The following PLK5 variants were observed in gnomAD, a reference collection of about 807,000 sequenced individuals.
PLK5 encodes the protein polo like kinase 5 (inactive).
A neutral mutation model predicts 33.7 loss-of-function variants in PLK5; 28 were observed. That is an observed-to-expected ratio of 0.83 (90% confidence interval 0.62 to 1.14). The LOEUF is 1.14. Among genes scored for constraint, PLK5 ranks in the 50% most tolerant of loss-of-function variants. The pLI, the probability that PLK5 is intolerant of heterozygous loss-of-function variation, is 0.00. For synonymous variants in PLK5, 225 were observed against 202.2 expected (o/e 1.11, Z -0.96); for missense variants, 492 against 461.5 (o/e 1.07, Z -0.61).
At position 1,535,288 on chromosome 19, in the gene PLK5, G is replaced by A. The variant is rs531715099; in HGVS notation, c.*38G>A. 3.3e-6 allele frequency: 5 copies of A among 1,509,692 alleles called. No individual in the cohort carries two copies. In the East Asian group the frequency reaches 1.0e-4, roughly 30 times the overall value. The allele number at this position is 1,509,692 out of a possible 1,614,324, so 93.5% of individuals were successfully genotyped here. On this transcript the variant is annotated 3_prime_UTR_variant, in exon 14 of 14. Transcript: ENST00000454744. ...TCAGAGTGGACCCCTGCATGGTAGT[G>A]CCAGGGACCCAGGCTCCATTTCCAT...
At chr19:1,533,280 G>A (rs1000366546) in intron 12 of PLK5, among the ~76,000 whole-genome samples, 9 of 151,980 alleles carry the variant, frequency 5.9e-5, no homozygotes, top group African/African-American at 1.7e-4. Context: ...TAGTAGAGAC[G>A]GGGTTTCTCC....
rs554686870 is a variant in PLK5, at chr19:1,524,679, TTG to T, written c.-544+439_-544+440del. Among the ~76,000 whole-genome samples, 167 of 151,710 alleles carry T rather than the reference TTG, an allele frequency of 1.1e-3. No individual in the cohort carries two copies. Among genetic ancestry groups the T allele is most frequent in the African/African-American group, 3.9e-3 (160 of 41,374 alleles). ...CACCTGTTGTTTGTGCGTCATGCCT[TTG>T]TGTGTCCAGTCATTGTGTTGTGTGT... On this transcript the variant is annotated intron_variant, in intron 1 of 13. Transcript: ENST00000454744. This position sits in a 1 kb window ranked among gnomAD's most constrained non-coding sequence, Gnocchi z 4.5.
chr19:1,527,657 C>T (rs982272496), intron 6 of PLK5, among the ~76,000 whole-genome samples: 2 of 151,364 alleles, frequency 1.3e-5, no homozygotes, highest in Non-Finnish European at 2.9e-5. Context: ...TCAGGGTGAG[C>T]CAGGTGCAGG....
In PLK5 at chr19:1,526,597, C is replaced by T. The variant is rs1913748258; in HGVS notation, c.-201C>T. ...CTACCTGCACCAGCGGTGCATCCTG[C>T]ACCGCGACCTGAAGCTCAGTGAGTG... On this transcript the variant is annotated 5_prime_UTR_variant, in exon 4 of 14. Transcript: ENST00000454744. 5.9e-6 allele frequency: 2 copies of T among 337,692 alleles called. No individual in the cohort carries two copies. The highest frequency in any genetic ancestry group is 2.2e-5 in the African/African-American group (1 of 45,540). The allele number at this position is 337,692 out of a possible 1,614,324, so 20.9% of individuals were successfully genotyped here.
rs1359924627 is a variant in PLK5 at position 1,524,152 on chromosome 19, C to CGCG, written c.-628_-626dup. 3 of 150,656 alleles carry CGCG rather than the reference C, an allele frequency of 2.0e-5. No homozygotes were observed. Among genetic ancestry groups the CGCG allele is most frequent in the Admixed American group, 1.3e-4 (2 of 15,136 alleles). The allele number at this position is 150,656 out of a possible 1,614,324, so 9.3% of individuals were successfully genotyped here. A position where few individuals can be genotyped will look rare whatever the true frequency, so the allele number is the denominator to read the frequency against. On this transcript the variant is annotated 5_prime_UTR_variant, in exon 1 of 14. Coordinates refer to ENST00000454744, the MANE Select transcript of PLK5 (RefSeq NM_001243079.2). This position sits in a 1 kb window ranked among gnomAD's most constrained non-coding sequence, Gnocchi z 4.5. Reference sequence around the variant, plus strand: ...AGAGTCCGCGCGATGGAGCCCCGGCCGCGGCGGCGGCGCAGGAGTCGCCCC... The same window carrying CGCG: ...AGAGTCCGCGCGATGGAGCCCCGGCCGCGGCGGCGGCGGCGCAGGAGTCGCCCC...
rs1263819415 is a variant in PLK5, at chr19:1,535,237, T to G, written c.998T>G (p.Leu333Arg). Residue 333 changes from leucine (L) to arginine (R), a missense_variant, in exon 14 of 14, where the codon CTG (leucine) becomes CGG (arginine). By Grantham distance (102) the Leu-to-Arg change is moderately radical. Coordinates refer to ENST00000454744, the MANE Select transcript of PLK5 (RefSeq NM_001243079.2). Reference protein sequence around the residue: ...GQHLHHALRMLQSI With the variant: ...GQHLHHALRMRQSI ...CACCTTCACCACGCCCTCCGCATGCTGCAGAGTATCTAGTGCCCCTGAGGG... is the reference window on the plus strand; with the variant it reads ...CACCTTCACCACGCCCTCCGCATGCGGCAGAGTATCTAGTGCCCCTGAGGG... 1 of 1,535,708 alleles carries G rather than the reference T, an allele frequency of 6.5e-7. No individual in the cohort carries two copies. The highest frequency in any genetic ancestry group is 2.4e-5 in the East Asian group (1 of 40,870).
chr19:1,527,052 CGG>C (rs11288093), intron 6 of PLK5, 54 bp downstream of exon 6: 78 of 842,450 alleles, frequency 9.3e-5, no homozygotes, highest in South Asian at 1.2e-4. Flanking sequence ...GCAGGTGTGG[CGG>C]GGGGGGAGCC....
rs76098683 is a variant in PLK5, at chr19:1,528,922, C to T, written c.353C>T (p.Ser118Leu). 62 of 1,513,992 alleles carry T rather than the reference C, an allele frequency of 4.1e-5. No individual in the cohort carries two copies. Among genetic ancestry groups the T allele is most frequent in the African/African-American group, 3.9e-4 (28 of 71,846 alleles). The allele number at this position is 1,513,992 out of a possible 1,614,324, so 93.8% of individuals were successfully genotyped here. Residue 118 changes from serine to leucine, a missense_variant, in exon 9 of 14, where the codon TCG (serine) becomes TTG (leucine). Ser to Leu is a moderately radical substitution (Grantham distance 145, BLOSUM62 -2). Transcript: ENST00000454744. ...PPCPFTPKEA[S>L]GPGEGGPDPD... ...GGCCCCTTCACGCCTAAAGAGGCCTCGGGTCCAGGAGAAGGTGGGCCAGAC... is the reference window on the plus strand; with the variant it reads ...GGCCCCTTCACGCCTAAAGAGGCCTTGGGTCCAGGAGAAGGTGGGCCAGAC...
Position 1,528,066 on chromosome 19 carries a change from C to G in PLK5, c.133C>G (p.Leu45Val). 1.2e-5 allele frequency: 19 copies of G among 1,536,098 alleles called. No homozygotes were observed. The highest frequency in any genetic ancestry group is 1.7e-5 in the Non-Finnish European group (19 of 1,146,860). Residue 45 changes from leucine to valine, a missense_variant, in exon 7 of 14, where the codon CTC (leucine) becomes GTC (valine). Physicochemically the swap from Leu to Val is conservative, Grantham distance 32. Coordinates refer to ENST00000454744, the MANE Select transcript of PLK5 (RefSeq NM_001243079.2). Reference protein sequence around the residue: ...SANARRLIVHLLAPNPAERPS... With the variant: ...SANARRLIVHVLAPNPAERPS... Reference sequence around the variant, plus strand: ...CAATGCGCGCCGCCTCATCGTGCACCTCCTAGCACCCAACCCGGCCGAGCG... The same window carrying G: ...CAATGCGCGCCGCCTCATCGTGCACGTCCTAGCACCCAACCCGGCCGAGCG...
chr19:1,528,866 G>GT, intron 8 of PLK5, 32 bp from the exon 9 acceptor site: 2 of 1,471,080 alleles, frequency 1.4e-6, no homozygotes, highest in Non-Finnish European at 1.8e-6. Context: ...GGCCCAGGCT[G>GT]TGCCCCCTCC....
In PLK5 at chr19:1,535,067, G is replaced by A. The variant is rs1194524589; in HGVS notation, c.828G>A (p.Val276=). 2.6e-6 allele frequency: 4 copies of A among 1,525,228 alleles called. No homozygotes were observed. Among genetic ancestry groups the A allele is most frequent in the Non-Finnish European group, 3.5e-6 (4 of 1,142,172 alleles). The allele number at this position is 1,525,228 out of a possible 1,614,324, so 94.5% of individuals were successfully genotyped here. The change falls in exon 14 of 14, where the codon GTG becomes GTA. Residue 276 remains valine (V), a splice_region_variant and synonymous_variant. Transcript: ENST00000454744. Reference sequence around the variant, plus strand: ...GACTGGTATCTTACCCTTTGCAGGTGAGCTTCAGTGGAGTCCCGGCCCAAC... The same window carrying A: ...GACTGGTATCTTACCCTTTGCAGGTAAGCTTCAGTGGAGTCCCGGCCCAAC... ...LLLFSNGMVQ[V]SFSGVPAQLV... is the part of the protein sequence containing the mutation.
intron 13 of PLK5, 136 bp from the exon 14 acceptor site, chr19:1,534,929 C>A: frequency 1.2e-6 from 1 of 801,652 alleles, no homozygotes; most frequent in Non-Finnish European, 1.9e-6. Flanking sequence ...ACCCCGAGTT[C>A]CTGTGGCTGG....
intron 9 of PLK5, 22 bp from the exon 10 acceptor site, chr19:1,529,384 A>G (rs1913856174): frequency 9.8e-6 from 15 of 1,530,872 alleles, no homozygotes; most frequent in Non-Finnish European, 1.2e-5. Context: ...GGCCACCCCC[A>G]CCCCTGCTGC....
Position 1,529,741 on chromosome 19 carries a change from T to C in PLK5, c.491-6T>C. On this transcript the variant is annotated splice_region_variant and splice_polypyrimidine_tract_variant and intron_variant, in intron 10 of 13. Coordinates refer to ENST00000454744, the MANE Select transcript of PLK5 (RefSeq NM_001243079.2). ...CTGTCTGCGGCACAAAGACCTGTCTTCCCAGGGCCCGAGGGGAGCCGGCGG... is the reference window on the plus strand; with the variant it reads ...CTGTCTGCGGCACAAAGACCTGTCTCCCCAGGGCCCGAGGGGAGCCGGCGG... 3.9e-6 allele frequency: 6 copies of C among 1,535,932 alleles called. No homozygotes were observed. Among genetic ancestry groups the C allele is most frequent in the Non-Finnish European group, 5.2e-6 (6 of 1,146,820 alleles).
rs1007918755 is a variant in PLK5 at position 1,531,835 on chromosome 19, C to G, written c.666C>G (p.Asp222Glu). The change falls in exon 12 of 14, where the codon GAC (aspartate) becomes GAG (glutamate). Residue 222 changes from aspartate to glutamate, a missense_variant. Coordinates refer to ENST00000454744, the MANE Select transcript of PLK5 (RefSeq NM_001243079.2). ...ACGGCTTTGGCTACCAGCTCTTGGA[C>G]GGGGGGCGCACGGGACGGCACCCAC... ...SKYGFGYQLL[D>E]GGRTGRHPHG... The G allele has an allele frequency of 6.5e-7, 1 of 1,532,326 alleles. No homozygotes were observed. The allele number at this position is 1,532,326 out of a possible 1,614,324, so 94.9% of individuals were successfully genotyped here.
At chr19:1,527,317 G>T (rs1913770743) in intron 6 of PLK5, among the ~76,000 whole-genome samples, 2 of 152,112 alleles carry the variant, frequency 1.3e-5, no homozygotes, top group East Asian at 3.9e-4. Flanking sequence ...ATTGGAAGGT[G>T]GAGGCCAGGC....
At position 1,528,901 on chromosome 19, in the gene PLK5, C is replaced by T. The variant is rs1466430457; in HGVS notation, c.332C>T (p.Pro111Leu). Residue 111 changes from proline (P) to leucine (L), a missense_variant, in exon 9 of 14, where the codon CCC becomes CTC. Physicochemically the swap from Pro to Leu is moderately conservative, Grantham distance 98. Coordinates refer to ENST00000454744, the MANE Select transcript of PLK5 (RefSeq NM_001243079.2). The part of the protein sequence containing the change: ...RLLTQCRPPC[P>L]FTPKEASGPG... Reference sequence around the variant, plus strand: ...CAAGGCCTTGTGCCTCCCTCAGGCCCCTTCACGCCTAAAGAGGCCTCGGGT... The same window carrying T: ...CAAGGCCTTGTGCCTCCCTCAGGCCTCTTCACGCCTAAAGAGGCCTCGGGT... 6.6e-6 allele frequency: 10 copies of T among 1,507,640 alleles called. No homozygotes were observed. The highest frequency in any genetic ancestry group is 8.8e-6 in the Non-Finnish European group (10 of 1,134,308). 93.4% of individuals were successfully genotyped at this position (1,507,640 alleles called of 1,614,324 possible).
chr19:1,529,322 AG>A (rs1913853784), intron 9 of PLK5, 83 bp from the exon 10 acceptor site: 1 of 1,221,720 alleles, frequency 8.2e-7, no homozygotes, highest in Admixed American at 2.0e-5. Flanking sequence ...GGGCACAGGC[AG>A]GGGCCAGAGC....
In PLK5 at chr19:1,531,883, G is replaced by A. The variant is rs1282375569; in HGVS notation, c.714G>A (p.Arg238=). Residue 238 remains arginine, a splice_region_variant and synonymous_variant, in exon 12 of 14, where the codon AGG becomes AGA. Transcript: ENST00000454744. ...RHPHGPATPR[R]EGTLPTPVPP... ...CACATGGCCCTGCGACCCCCCGGAG[G>A]GTAAGTTGTGGCCTCCTGTGCCCTG... 1.3e-6 allele frequency: 2 copies of A among 1,482,836 alleles called. No individual in the cohort carries two copies. Among genetic ancestry groups the A allele is most frequent in the African/African-American group, 1.4e-5 (1 of 70,798 alleles). 91.9% of individuals were successfully genotyped at this position (1,482,836 alleles called of 1,614,324 possible). A position where few individuals can be genotyped will look rare whatever the true frequency, so the allele number is the denominator to read the frequency against.
Sources: gnomAD v4.1 joint callset for allele counts (sites outside exome capture counted in the v4.1 genomes callset) on GRCh38, gnomAD v4.1.1 for gene constraint, Gnocchi (gnomAD v3.1) non-coding constraint, MANE v1.5 for transcripts, NCBI Gene and HGNC (gene_info 2026-07-23, HGNC 2026-07-21) for gene names.